The following TAFA1 variants were observed in gnomAD, a reference collection of about 807,000 sequenced individuals.
TAFA1 encodes TAFA chemokine like family member 1.
In TAFA1, 4 loss-of-function variants were observed where a neutral mutation model predicts 18.5. That is an observed-to-expected ratio of 0.22 (90% CI 0.11 to 0.49). The LOEUF (loss-of-function observed/expected upper bound fraction) is 0.49, where lower values mean the gene tolerates loss of function less well. Among genes scored for constraint, TAFA1 ranks in the 20% least tolerant of loss-of-function variants. The pLI is 0.98. For synonymous variants in TAFA1, 56 were observed against 55.2 expected (o/e 1.01, Z -0.06); for missense variants, 147 against 169.0 (o/e 0.87, Z 0.72).
chr3:68,431,140 C>A (rs2071161106), intron 3 of TAFA1, among the ~76,000 whole-genome samples: 1 of 151,946 alleles, frequency 6.6e-6, no homozygotes, highest in African/African-American at 2.4e-5. Flanking sequence ...GCCTGACCAG[C>A]CTTCCATGAA....
At chr3:68,236,504 C>G (rs1244278927) in intron 2 of TAFA1, among the ~76,000 whole-genome samples, 1 of 152,144 alleles carries the variant, frequency 6.6e-6, no homozygotes, top group Non-Finnish European at 1.5e-5. Flanking sequence ...GTTATTCTAA[C>G]AAGATGCACT....
chr3:68,175,629 T>C (rs112444583), intron 2 of TAFA1, among the ~76,000 whole-genome samples: 156 of 152,316 alleles, frequency 1.0e-3, no homozygotes, highest in African/African-American at 3.5e-3. Context: ...AACGCCTGTT[T>C]ACCTGCTGTA....
intron 2 of TAFA1, among the ~76,000 whole-genome samples, chr3:68,382,126 A>T (rs2069976055): frequency 6.6e-6 from 1 of 152,184 alleles, no homozygotes; most frequent in Non-Finnish European, 1.5e-5. Context: ...CCAGAGATGA[A>T]GCCCACTTGG....
Position 68,070,252 on chromosome 3 carries a change from A to C in TAFA1, c.118+63508A>C, listed in dbSNP as rs1446656632. Reference sequence around the variant, plus strand: ...TGAGGTTCCCAAACCTCAGTTCTTGATGTCTGTGCAACTGCAGGCTCAACA... The same window carrying C: ...TGAGGTTCCCAAACCTCAGTTCTTGCTGTCTGTGCAACTGCAGGCTCAACA... On this transcript the variant is annotated intron_variant, in intron 2 of 4. Transcript: ENST00000478136. Among the ~76,000 whole-genome samples the C allele has an allele frequency of 2.0e-5, 3 of 152,328 alleles. No individual in the cohort carries two copies. In the East Asian group the frequency reaches 5.8e-4, roughly 29 times the overall value.
chr3:68,459,236 G>A (rs976796774), intron 3 of TAFA1, among the ~76,000 whole-genome samples: 20 of 152,092 alleles, frequency 1.3e-4, no homozygotes, highest in Admixed American at 6.5e-5. Flanking sequence ...GAGGGGAGTG[G>A]GGAGGATCAG....
rs546558110 is a variant in TAFA1, at chr3:68,069,146, A to G, written c.118+62402A>G. On this transcript the variant is annotated intron_variant, in intron 2 of 4. Transcript: ENST00000478136. ...GGTTTGTATGCACCATAATAGATAA[A>G]TCTCTGAGATGGTGTATTAGTCCAT... Among the ~76,000 whole-genome samples, 5 of 152,320 alleles carry G rather than the reference A, an allele frequency of 3.3e-5. No individual in the cohort carries two copies. In the South Asian group the frequency reaches 1.0e-3, roughly 32 times the overall value.
chr3:68,423,660 A>G (rs2071001576), intron 3 of TAFA1, among the ~76,000 whole-genome samples: 1 of 151,974 alleles, frequency 6.6e-6, no homozygotes, highest in Non-Finnish European at 1.5e-5. Context: ...TTTTATTTTT[A>G]TAGAATGATT....
intron 3 of TAFA1, among the ~76,000 whole-genome samples, chr3:68,537,169 A>G (rs1446994319): frequency 2.6e-5 from 4 of 152,182 alleles, no homozygotes; most frequent in Admixed American, 2.6e-4. Context: ...AGCTAAGAGC[A>G]CGAAAGTTCC....
intron 3 of TAFA1, among the ~76,000 whole-genome samples, chr3:68,433,795 A>G (rs557562738): frequency 6.6e-6 from 1 of 152,282 alleles, no homozygotes; most frequent in South Asian, 2.1e-4. Context: ...CATGTAGAGC[A>G]CTTAGCACAG....
At chr3:68,119,408 T>G (rs67090200) in intron 2 of TAFA1, among the ~76,000 whole-genome samples, 33,479 of 152,036 alleles carry the variant, frequency 0.22, 3,982 homozygotes, top group East Asian at 0.43. Context: ...TTTATCTACT[T>G]TTGCTTTTGT....
intron 2 of TAFA1, among the ~76,000 whole-genome samples, chr3:68,020,615 G>A (rs1471714640): frequency 1.3e-5 from 2 of 152,110 alleles, no homozygotes; most frequent in Admixed American, 1.3e-4. Context: ...TAACCTGTAT[G>A]CTGATAATAT....
intron 2 of TAFA1, among the ~76,000 whole-genome samples, chr3:68,151,910 A>G: frequency 6.6e-6 from 1 of 152,200 alleles, no homozygotes; most frequent in East Asian, 1.9e-4. Flanking sequence ...CTAATTAGCA[A>G]TGATTAGTTT....
intron 2 of TAFA1, among the ~76,000 whole-genome samples, chr3:68,169,436 C>T (rs541841171): frequency 6.6e-6 from 1 of 152,334 alleles, no homozygotes; most frequent in African/African-American, 2.4e-5. Context: ...ACTGGAGTCT[C>T]CTAACCAAAC....
intron 2 of TAFA1, among the ~76,000 whole-genome samples, chr3:68,181,448 A>G (rs1318851846): frequency 1.3e-5 from 2 of 152,038 alleles, no homozygotes; most frequent in Non-Finnish European, 2.9e-5. Flanking sequence ...TCCAGTGAAT[A>G]TAGTTTTGGT....
chr3:68,307,602 C>CT (rs78108203), intron 2 of TAFA1, among the ~76,000 whole-genome samples: 2 of 152,028 alleles, frequency 1.3e-5, no homozygotes, highest in African/African-American at 4.8e-5. Context: ...TTTGCCTCTA[C>CT]TTTTTTTTGG....
At chr3:68,016,649 C>CA (rs1399089582) in intron 2 of TAFA1, among the ~76,000 whole-genome samples, 2 of 152,246 alleles carry the variant, frequency 1.3e-5, no homozygotes, top group Middle Eastern at 3.4e-3. Context: ...CACACAATGA[C>CA]AAAATCACCT....
At chr3:68,013,019 A>G (rs1704502404) in intron 2 of TAFA1, among the ~76,000 whole-genome samples, 1 of 152,134 alleles carries the variant, frequency 6.6e-6, no homozygotes, top group Non-Finnish European at 1.5e-5. Context: ...AAAATTTTCC[A>G]GACACTTTTT....
intron 2 of TAFA1, among the ~76,000 whole-genome samples, chr3:68,380,182 G>C (rs983660634): frequency 6.6e-6 from 1 of 152,092 alleles, no homozygotes; most frequent in Non-Finnish European, 1.5e-5. Context: ...GGACATTTGG[G>C]TTGGTTCCAA....
chr3:68,118,123 T>C (rs1240168655), intron 2 of TAFA1, among the ~76,000 whole-genome samples: 1 of 152,186 alleles, frequency 6.6e-6, no homozygotes, highest in East Asian at 1.9e-4. Context: ...CAATGTAATA[T>C]ATAATGAAAT....
Sources: allele counts gnomAD v4.1 joint callset (sites outside exome capture counted in the v4.1 genomes callset), GRCh38; gene constraint gnomAD v4.1.1; transcripts MANE v1.5; gene names NCBI Gene and HGNC (gene_info 2026-07-23, HGNC 2026-07-21).